The following MCC variants were observed in gnomAD, a reference collection of about 807,000 sequenced individuals.
MCC encodes MCC regulator of Wnt signaling pathway, also known as colorectal mutant cancer protein.
A neutral mutation model predicts 116.2 loss-of-function variants in MCC; 90 were observed. That is an observed-to-expected ratio of 0.77 (90% CI 0.65 to 0.92). The LOEUF (loss-of-function observed/expected upper bound fraction) is 0.92. MCC is among the 40% of genes least tolerant of loss of function. MCC has a pLI of 0.00. For missense variants in MCC, 1,516 were observed against 1,312.2 expected, an observed-to-expected ratio of 1.16 and a Z score of -2.40; for synonymous variants, 578 against 510.5, an observed-to-expected ratio of 1.13 and a Z score of -1.78.
At chr5:113,288,828 C>T (rs1561508513) in intron 3 of MCC, among the ~76,000 whole-genome samples, 1 of 152,112 alleles carries the variant, frequency 6.6e-6, no homozygotes, top group East Asian at 1.9e-4. Context: ...TGTGTAGTTT[C>T]GATATGCTTT....
intron 2 of MCC, among the ~76,000 whole-genome samples, chr5:113,346,972 T>C (rs1768149729): frequency 6.7e-6 from 1 of 149,910 alleles, no homozygotes; most frequent in Admixed American, 6.6e-5. Flanking sequence ...TACACTAGAA[T>C]AGTATATCTG....
At chr5:113,247,782 T>G (rs534303566) in intron 3 of MCC, among the ~76,000 whole-genome samples, 2 of 151,980 alleles carry the variant, frequency 1.3e-5, no homozygotes, top group East Asian at 3.9e-4. Context: ...AATCTTCAAG[T>G]AGAGATGTAT....
intron 3 of MCC, among the ~76,000 whole-genome samples, chr5:113,320,518 G>A (rs2150371003): frequency 6.6e-6 from 1 of 151,194 alleles, no homozygotes; most frequent in African/African-American, 2.4e-5. Flanking sequence ...GGCAAAGCAG[G>A]GTGATAACCT....
chr5:113,197,267 A>G (rs894289581), intron 3 of MCC, among the ~76,000 whole-genome samples: 13 of 151,552 alleles, frequency 8.6e-5, no homozygotes, highest in Non-Finnish European at 1.0e-4. Context: ...CAGACCCCCA[A>G]TTTTTTTTTA....
chr5:113,426,501 T>C (rs1283132132), intron 1 of MCC, among the ~76,000 whole-genome samples: 2 of 152,202 alleles, frequency 1.3e-5, no homozygotes, highest in Non-Finnish European at 2.9e-5. Context: ...AAGTTTTTCT[T>C]TTTTGAATTA....
chr5:113,299,292 C>CAAAAAAAAAAAAAAAAAAA (rs58372049), intron 3 of MCC, among the ~76,000 whole-genome samples: 1 of 52,078 alleles, frequency 1.9e-5, no homozygotes, highest in African/African-American at 5.5e-5. Flanking sequence ...GACTCCGTCT[C>CAAAAAAAAAAAAAAAAAAA]AAAAAAAAAA....
At chr5:113,254,061 T>G (rs1285815621) in intron 3 of MCC, among the ~76,000 whole-genome samples, 1 of 152,076 alleles carries the variant, frequency 6.6e-6, no homozygotes, top group Non-Finnish European at 1.5e-5. Context: ...GAAAAAAGAT[T>G]CTCATAAAAT....
chr5:113,183,594 C>A (rs958558076), intron 3 of MCC, among the ~76,000 whole-genome samples: 1 of 152,162 alleles, frequency 6.6e-6, no homozygotes, highest in East Asian at 1.9e-4. Flanking sequence ...AATTACAATC[C>A]CCCCTCAGCT....
At chr5:113,302,165 A>G (rs1483596931) in intron 3 of MCC, among the ~76,000 whole-genome samples, 1 of 152,214 alleles carries the variant, frequency 6.6e-6, no homozygotes, top group Non-Finnish European at 1.5e-5. Context: ...AAGGACATAG[A>G]GCCAGACACA....
intron 5 of MCC, among the ~76,000 whole-genome samples, chr5:113,136,196 C>T (rs1458495840): frequency 2.0e-5 from 3 of 152,184 alleles, no homozygotes; most frequent in Non-Finnish European, 4.4e-5. Flanking sequence ...GATATTTACT[C>T]CTTCCTTCTC....
At chr5:113,294,496 G>T (rs1396107893) in intron 3 of MCC, 7 of 1,571,122 alleles carry the variant, frequency 4.5e-6, no homozygotes, top group Non-Finnish European at 4.3e-6. Context: ...TTTTAGTCTA[G>T]ACAGCCATTT....
intron 2 of MCC, among the ~76,000 whole-genome samples, chr5:113,356,722 A>C (rs1768424435): frequency 6.6e-6 from 1 of 152,170 alleles, no homozygotes; most frequent in South Asian, 2.1e-4. Flanking sequence ...TATTTACCAA[A>C]GGCACTATGC....
intron 7 of MCC, among the ~76,000 whole-genome samples, 167 bp from the exon 8 acceptor site, chr5:113,102,112 C>CA (rs1182352663): frequency 2.0e-5 from 3 of 150,742 alleles, no homozygotes; most frequent in Non-Finnish European, 2.9e-5. Context: ...ATCCTGTCTC[C>CA]AATTTCAGAT....
intron 16 of MCC, among the ~76,000 whole-genome samples, chr5:113,046,022 ACCAGATGAATAGC>A (rs1305996964): frequency 6.6e-6 from 1 of 152,032 alleles, no homozygotes; most frequent in Non-Finnish European, 1.5e-5. Flanking sequence ...AACAGCTAAG[ACCAGATGAATAGC>A]CCAGATGGGA....
chr5:113,321,047 C>T (rs1300549213), intron 3 of MCC, among the ~76,000 whole-genome samples: 1 of 152,192 alleles, frequency 6.6e-6, no homozygotes, highest in Admixed American at 6.5e-5. Flanking sequence ...TATTCCACTA[C>T]ACACTTGTGG....
chr5:113,260,208 T>C (rs1765170093), intron 3 of MCC, among the ~76,000 whole-genome samples: 1 of 152,162 alleles, frequency 6.6e-6, no homozygotes. Context: ...GTGGGTTATA[T>C]CCACTGTTAT....
At chr5:113,147,998 C>T (rs190680252) in intron 4 of MCC, among the ~76,000 whole-genome samples, 2 of 152,346 alleles carry the variant, frequency 1.3e-5, no homozygotes, top group Admixed American at 6.5e-5. Context: ...AAGTATTCCA[C>T]ATTACTGCTC....
intron 17 of MCC, among the ~76,000 whole-genome samples, chr5:113,041,826 C>G (rs143156514): frequency 0.038 from 5,720 of 152,204 alleles, 276 homozygotes; most frequent in African/African-American, 0.11. Context: ...GAAATCCCAT[C>G]TCTACTAAAA....
chr5:113,040,000 G>C (rs1342124080), intron 17 of MCC, among the ~76,000 whole-genome samples: 1 of 151,744 alleles, frequency 6.6e-6, no homozygotes, highest in Non-Finnish European at 1.5e-5. Context: ...CAGCACACAG[G>C]CTGGATGGAC....
Sources: gnomAD v4.1 joint callset for allele counts (sites outside exome capture counted in the v4.1 genomes callset) on GRCh38, gnomAD v4.1.1 for gene constraint, MANE v1.5 for transcripts, NCBI Gene and HGNC (gene_info 2026-07-23, HGNC 2026-07-21) for gene names.